The following MCTP1 variants were observed in gnomAD, a reference collection of about 807,000 sequenced individuals.
The protein encoded by MCTP1 is multiple C2 and transmembrane domain-containing protein 1.
A neutral mutation model predicts 120.6 loss-of-function variants in MCTP1; 69 were observed. The observed-to-expected ratio is 0.57, with a 90% confidence interval of 0.47 to 0.70. The LOEUF is 0.70. Ranked by LOEUF, MCTP1 falls within the 30% of genes least tolerant of loss-of-function variation. The probability of loss-of-function intolerance (pLI) is 0.00; values close to 1 mark genes in which losing one functional copy is unlikely to be tolerated. For missense variants in MCTP1, 1,203 were observed against 1,248.8 expected (o/e 0.96, Z 0.55); for synonymous variants, 529 against 493.1 (o/e 1.07, Z -0.96).
intron 1 of MCTP1, among the ~76,000 whole-genome samples, chr5:95,113,438 C>T (rs186587979): frequency 4.6e-4 from 70 of 152,124 alleles, no homozygotes; most frequent in African/African-American, 1.6e-3. Context: ...CAAGCAGTGG[C>T]TGCATGGTGT....
Position 94,914,097 on chromosome 5 carries a change from T to C in MCTP1, c.1351-1121A>G, listed in dbSNP as rs1581328071. 2.0e-5 allele frequency among the ~76,000 whole-genome samples: 3 copies of C among 152,106 alleles called. No homozygotes were observed. In the South Asian group the frequency reaches 6.2e-4, roughly 31 times the overall value. ...AAATGGCCACATAATCTCTTTAAAC[T>C]AAAAAGGACATAAAACAAGCCATAG... On this transcript the variant is annotated intron_variant, in intron 8 of 22. Coordinates refer to ENST00000515393, the MANE Select transcript of MCTP1 (RefSeq NM_024717.7).
At chr5:95,120,216 A>G (rs1332403629) in intron 1 of MCTP1, among the ~76,000 whole-genome samples, 1 of 151,088 alleles carries the variant, frequency 6.6e-6, no homozygotes, top group African/African-American at 2.4e-5. Flanking sequence ...CGAAAAGTCC[A>G]GGACTCAGTA....
intron 1 of MCTP1, among the ~76,000 whole-genome samples, chr5:95,230,735 C>T (rs369587739): frequency 2.0e-5 from 3 of 152,152 alleles, no homozygotes; most frequent in African/African-American, 4.8e-5. Flanking sequence ...GGGTTTTAAT[C>T]GGTATATCCA....
chr5:94,797,305 A>G (rs1163505104), intron 18 of MCTP1, among the ~76,000 whole-genome samples: 1 of 152,144 alleles, frequency 6.6e-6, no homozygotes, highest in East Asian at 1.9e-4. Context: ...TCATAGAATT[A>G]AGAAGGTAAA....
chr5:95,275,058 G>A (rs1181164058), intron 1 of MCTP1, among the ~76,000 whole-genome samples: 1 of 152,018 alleles, frequency 6.6e-6, no homozygotes, highest in African/African-American at 2.4e-5. Flanking sequence ...ATGTATTGAC[G>A]CCTACATGTC....
chr5:94,897,928 A>G (rs1337043923), intron 10 of MCTP1, among the ~76,000 whole-genome samples: 2 of 152,196 alleles, frequency 1.3e-5, no homozygotes, highest in African/African-American at 4.8e-5. Flanking sequence ...GTATGAAAAT[A>G]TGTTATTTTT....
At chr5:94,999,474 T>C (rs1175593164) in intron 2 of MCTP1, among the ~76,000 whole-genome samples, 2 of 152,184 alleles carry the variant, frequency 1.3e-5, no homozygotes, top group East Asian at 3.9e-4. Context: ...ATGCACATGA[T>C]GAAGAAAATG....
At chr5:95,189,399 CA>C (rs1278898112) in intron 1 of MCTP1, among the ~76,000 whole-genome samples, 1 of 152,124 alleles carries the variant, frequency 6.6e-6, no homozygotes, top group East Asian at 1.9e-4. Flanking sequence ...CAAAACTTAT[CA>C]AAGCATATCC....
intron 17 of MCTP1, 116 bp from the exon 18 acceptor site, chr5:94,799,248 T>A (rs1780701292): frequency 1.1e-6 from 1 of 933,428 alleles, no homozygotes; most frequent in Non-Finnish European, 1.6e-6. Flanking sequence ...ACAGGAAGAT[T>A]TATCTTGAAA....
At chr5:94,805,318 A>C (rs1166176567) in intron 17 of MCTP1, among the ~76,000 whole-genome samples, 1 of 151,958 alleles carries the variant, frequency 6.6e-6, no homozygotes, top group Non-Finnish European at 1.5e-5. Context: ...TTTTTTTGAA[A>C]AGTTTTAATT....
intron 19 of MCTP1, among the ~76,000 whole-genome samples, chr5:94,758,443 C>T (rs1770490173): frequency 6.6e-6 from 1 of 152,064 alleles, no homozygotes; most frequent in Admixed American, 6.6e-5. Context: ...GAGACCCCAT[C>T]TCTTAAAAAG....
chr5:94,766,608 C>T (rs1772793066), intron 19 of MCTP1, among the ~76,000 whole-genome samples: 2 of 151,572 alleles, frequency 1.3e-5, no homozygotes. Context: ...ACCAACATGG[C>T]ACATGTATGA....
At position 94,873,219 on chromosome 5, in the gene MCTP1, C is replaced by G. The variant is rs779640897; in HGVS notation, c.1956G>C (p.Val652=). The G allele has an allele frequency of 1.1e-5, 18 of 1,607,984 alleles. No individual in the cohort carries two copies. In the South Asian group the frequency reaches 2.0e-4, roughly 18 times the overall value. The change falls in exon 13 of 23, where the codon GTG becomes GTC. Residue 652 remains valine (V), a synonymous_variant. Coordinates refer to ENST00000515393, the MANE Select transcript of MCTP1 (RefSeq NM_024717.7). ...GCAGTCTATCGTTGTTCAGTTCTAC[C>G]ACACAAAATGGGTCACTTTTTCCTA... ...DVTGKSDPFC[V]VELNNDRLLT...
intron 1 of MCTP1, among the ~76,000 whole-genome samples, chr5:95,113,966 G>A (rs571655778): frequency 2.0e-5 from 3 of 152,158 alleles, no homozygotes; most frequent in Admixed American, 2.0e-4. Flanking sequence ...GCAGGATAGG[G>A]TACCAGTGAG....
intron 17 of MCTP1, among the ~76,000 whole-genome samples, chr5:94,828,614 TG>T (rs899395594): frequency 7.2e-5 from 11 of 152,206 alleles, no homozygotes; most frequent in African/African-American, 2.7e-4. Flanking sequence ...TATAAGCCCC[TG>T]ACTAGGGCTG....
intron 7 of MCTP1, among the ~76,000 whole-genome samples, chr5:94,920,977 T>A (rs1352052546): frequency 6.6e-6 from 1 of 152,102 alleles, no homozygotes; most frequent in Non-Finnish European, 1.5e-5. Context: ...TCCAGACTTT[T>A]CCACTTAAAA....
Position 94,953,329 on chromosome 5 carries a change from CG to C in MCTP1, c.870del (p.Ile290MetfsTer11). ...TTACTTCTAAAAACTTCTTTTCCTC[CG>C]ATTTTAAACTTCACATATGGATCAC... The part of the protein sequence containing the change: ...GTSDPYVKFK[I>X]GGKEVFRSKI... On this transcript the variant is annotated frameshift_variant, in exon 3 of 23. Coordinates refer to ENST00000515393, the MANE Select transcript of MCTP1 (RefSeq NM_024717.7). LOFTEE classifies it high-confidence loss of function. 6.2e-7 allele frequency: 1 copy of C among 1,608,496 alleles called. No homozygotes were observed. The highest frequency in any genetic ancestry group is 8.5e-7 in the Non-Finnish European group (1 of 1,176,844).
chr5:94,744,446 C>T (rs951420938), intron 19 of MCTP1, among the ~76,000 whole-genome samples: 2 of 152,164 alleles, frequency 1.3e-5, no homozygotes, highest in Non-Finnish European at 2.9e-5. Flanking sequence ...CAAATCCTGC[C>T]CTGCTGGCGT....
At chr5:95,121,277 CAAAA>C (rs34423597) in intron 1 of MCTP1, among the ~76,000 whole-genome samples, 2 of 35,066 alleles carry the variant, frequency 5.7e-5, no homozygotes, top group African/African-American at 1.4e-4. Context: ...GACTCCATCA[CAAAA>C]AAAAAAAAAA....
Sources: allele counts gnomAD v4.1 joint callset (sites outside exome capture counted in the v4.1 genomes callset), GRCh38; gene constraint gnomAD v4.1.1; transcripts MANE v1.5; gene names NCBI Gene and HGNC (gene_info 2026-07-23, HGNC 2026-07-21).